Variants in SEMA6D observed in about 807,000 individuals in gnomAD.
SEMA6D encodes semaphorin 6D.
Under a neutral mutation model 106.6 loss-of-function variants are expected in SEMA6D, and 35 were observed. That is an observed-to-expected ratio of 0.33 (90% CI 0.25 to 0.44). SEMA6D has a LOEUF of 0.44. Among genes scored for constraint, SEMA6D ranks in the 20% least tolerant of loss-of-function variants. The pLI, the probability that SEMA6D is intolerant of heterozygous loss-of-function variation, is 1.00. For missense variants in SEMA6D, 1,185 were observed against 1,345.9 expected (o/e 0.88, Z 1.87); for synonymous variants, 499 against 487.7 (o/e 1.02, Z -0.31).
intron 1 of SEMA6D, among the ~76,000 whole-genome samples, chr15:47,731,626 G>A (rs2080128684): frequency 6.6e-6 from 1 of 152,170 alleles, no homozygotes; most frequent in East Asian, 1.9e-4. Flanking sequence ...CCATGGGAAG[G>A]CAGATAAGTA....
chr15:47,198,579 C>G (rs1018820918), intron 1 of SEMA6D, among the ~76,000 whole-genome samples: 1 of 152,084 alleles, frequency 6.6e-6, no homozygotes, highest in African/African-American at 2.4e-5. Flanking sequence ...TAGAAGGGCT[C>G]CTGTGTTGTG....
chr15:47,668,422 C>A (rs2078071272), intron 4 of SEMA6D, among the ~76,000 whole-genome samples: 1 of 152,190 alleles, frequency 6.6e-6, no homozygotes, highest in African/African-American at 2.4e-5. Context: ...ATTCCAACAT[C>A]TTGGGTATAA....
At chr15:47,470,792 CAAT>C (rs985466773) in intron 3 of SEMA6D, among the ~76,000 whole-genome samples, 1 of 151,780 alleles carries the variant, frequency 6.6e-6, no homozygotes, top group African/African-American at 2.4e-5. Context: ...CCCTCTTTGC[CAAT>C]TTAGAAAAAA....
chr15:47,440,289 T>C (rs2041842928), intron 2 of SEMA6D, among the ~76,000 whole-genome samples: 2 of 133,064 alleles, frequency 1.5e-5, no homozygotes, highest in Non-Finnish European at 3.1e-5. Context: ...CAAGAGATTA[T>C]CCTCACCATC....
chr15:47,732,774 C>T (rs2080204670), intron 1 of SEMA6D, among the ~76,000 whole-genome samples: 1 of 151,988 alleles, frequency 6.6e-6, no homozygotes, highest in South Asian at 2.1e-4. Context: ...ACAGAATTTG[C>T]ATTTGATTAG....
At chr15:47,244,026 A>T (rs142716231) in intron 1 of SEMA6D, among the ~76,000 whole-genome samples, 166 of 152,304 alleles carry the variant, frequency 1.1e-3, no homozygotes, top group African/African-American at 3.7e-3. Flanking sequence ...TGGTATAAAT[A>T]AAAATAAGGC....
intron 17 of SEMA6D, among the ~76,000 whole-genome samples, chr15:47,768,252 A>C (rs1055547376): frequency 6.6e-6 from 1 of 152,210 alleles, no homozygotes; most frequent in African/African-American, 2.4e-5. Flanking sequence ...GATGTCTCAC[A>C]AGAGAAGGAA....
At chr15:47,612,936 G>T (rs2076939304) in intron 4 of SEMA6D, among the ~76,000 whole-genome samples, 1 of 152,102 alleles carries the variant, frequency 6.6e-6, no homozygotes, top group South Asian at 2.1e-4. Context: ...TGCTAATGTA[G>T]AATTTAAAGC....
intron 1 of SEMA6D, among the ~76,000 whole-genome samples, chr15:47,249,433 A>G (rs912077729): frequency 6.8e-5 from 10 of 147,660 alleles, no homozygotes; most frequent in African/African-American, 2.5e-4. Flanking sequence ...ATAACCTGAA[A>G]ACAAAATCAT....
intron 4 of SEMA6D, among the ~76,000 whole-genome samples, chr15:47,635,613 C>T (rs1273181343): frequency 6.6e-6 from 1 of 152,162 alleles, no homozygotes; most frequent in Non-Finnish European, 1.5e-5. Context: ...TGAGAGCAGT[C>T]TTATGGGATT....
rs181850801 is a variant in SEMA6D, at chr15:47,721,481, A to G, written c.-55+3789A>G. On this transcript the variant is annotated intron_variant, in intron 1 of 18. Transcript: ENST00000536845. ...AACAGCTGCCAACTTCCAATTGGGGAAAAAAAAAGTGTTCTGATTTATTCC... is the reference window on the plus strand; with the variant it reads ...AACAGCTGCCAACTTCCAATTGGGGGAAAAAAAAGTGTTCTGATTTATTCC... Among the ~76,000 whole-genome samples the G allele has an allele frequency of 1.4e-3, 213 of 150,880 alleles. 2 individuals carry two copies. The highest frequency in any genetic ancestry group is 4.3e-3 in the African/African-American group (174 of 40,480).
chr15:47,421,386 A>G (rs1045873865), intron 2 of SEMA6D, among the ~76,000 whole-genome samples: 2 of 152,148 alleles, frequency 1.3e-5, no homozygotes, highest in Non-Finnish European at 2.9e-5. Flanking sequence ...CTATTTTCTT[A>G]TCACAGGGTT....
chr15:47,675,006 A>G (rs1053138935), intron 4 of SEMA6D, among the ~76,000 whole-genome samples: 2 of 152,246 alleles, frequency 1.3e-5, no homozygotes, highest in African/African-American at 2.4e-5. Flanking sequence ...ATGAGCAAAT[A>G]AAACAGGCTA....
intron 1 of SEMA6D, among the ~76,000 whole-genome samples, chr15:47,250,756 G>A (rs1296055473): frequency 3.9e-5 from 6 of 152,326 alleles, no homozygotes; most frequent in African/African-American, 1.4e-4. Flanking sequence ...GAGGACCAGA[G>A]GGGACAAAGG....
At chr15:47,209,262 A>G (rs1895322607) in intron 1 of SEMA6D, among the ~76,000 whole-genome samples, 1 of 152,204 alleles carries the variant, frequency 6.6e-6, no homozygotes, top group Admixed American at 6.5e-5. Flanking sequence ...TTTTTTATCT[A>G]CTTAGAATCT....
Position 47,764,243 on chromosome 15 carries a change from G to A in SEMA6D, c.1035G>A (p.Lys345=). Residue 345 remains lysine (K), a synonymous_variant, in exon 11 of 19, where the codon AAG becomes AAA. Transcript: ENST00000536845. ...AAAAAGTATTCAAAGGACGGTTTAA[G>A]GAACAGAAAACTCCAGATTCTGTTT... ...DIEKVFKGRF[K]EQKTPDSVWT... 1 of 1,613,794 alleles carries A rather than the reference G, an allele frequency of 6.2e-7. No individual in the cohort carries two copies.
At position 47,186,303 on chromosome 15, in the gene SEMA6D, C is replaced by G. The variant is rs558725086; in HGVS notation, c.-239+1885C>G. On this transcript the variant is annotated intron_variant, in intron 1 of 19. Transcript: ENST00000558014. ...GGCAGTCTGATTCCACAGGGAAAAA[C>G]CATGTAGTGGGAGTGTTGTTGAGGG... 1.2e-4 allele frequency among the ~76,000 whole-genome samples: 19 copies of G among 152,154 alleles called. 1 individual carries two copies. The South Asian group carries it at 2.3e-3, about 18-fold the overall frequency.
chr15:47,661,353 C>T (rs1042645581), intron 4 of SEMA6D, among the ~76,000 whole-genome samples: 1 of 152,102 alleles, frequency 6.6e-6, no homozygotes, highest in African/African-American at 2.4e-5. Flanking sequence ...ATGATGTAAT[C>T]TCTGCCTATG....
At chr15:47,487,376 CGT>C (rs1173189044) in intron 3 of SEMA6D, among the ~76,000 whole-genome samples, 2 of 152,142 alleles carry the variant, frequency 1.3e-5, no homozygotes, top group Admixed American at 1.3e-4. Context: ...CATAAAAATT[CGT>C]GTCTTTCCAA....
Sources: allele counts gnomAD v4.1 joint callset (sites outside exome capture counted in the v4.1 genomes callset), GRCh38; gene constraint gnomAD v4.1.1; transcripts MANE v1.5; gene names NCBI Gene and HGNC (gene_info 2026-07-23, HGNC 2026-07-21).